GAB2: variants seen among roughly 807,000 people sequenced by gnomAD.
GAB2 encodes the protein GRB2-associated-binding protein 2.
Under a neutral mutation model 65.5 loss-of-function variants are expected in GAB2, and 26 were observed. The observed-to-expected ratio is 0.40, with a 90% confidence interval of 0.29 to 0.55. The LOEUF (loss-of-function observed/expected upper bound fraction) is 0.55. Ranked by LOEUF, GAB2 falls within the 20% of genes least tolerant of loss-of-function variation. The pLI is 0.53. For missense variants in GAB2, 884 were observed against 875.8 expected, an observed-to-expected ratio of 1.01 and a Z score of -0.12; for synonymous variants, 321 against 329.6, an observed-to-expected ratio of 0.97 and a Z score of 0.28.
Position 78,280,627 on chromosome 11 carries a change from C to T in GAB2, c.350G>A (p.Gly117Asp), listed in dbSNP as rs772467341. The change falls in exon 2 of 10, where the codon GGC (glycine) becomes GAC (aspartate). Residue 117 changes from glycine to aspartate, a missense_variant. Physicochemically the swap from Gly to Asp is moderately conservative, Grantham distance 94 (BLOSUM62 -1). Transcript: ENST00000361507. ...KWVQSICQICGFNQAEESTDS... is the reference protein window; with the variant it reads ...KWVQSICQICDFNQAEESTDS... ...TGTGCTCTCCTCAGCCTGATTGAAG[C>T]CACAGATCTGGCAGATGCTCTGGAC... 3.1e-6 allele frequency: 5 copies of T among 1,613,864 alleles called. No individual in the cohort carries two copies. The African/African-American group carries it at 6.7e-5, about 22-fold the overall frequency.
chr11:78,293,001 G>C (rs1296377808), intron 1 of GAB2, among the ~76,000 whole-genome samples: 2 of 152,218 alleles, frequency 1.3e-5, no homozygotes, highest in South Asian at 2.1e-4. Flanking sequence ...TTGAGGTGAA[G>C]CTACTGCAGA....
At chr11:78,350,358 C>G (rs1856257808) in intron 1 of GAB2, among the ~76,000 whole-genome samples, 1 of 152,188 alleles carries the variant, frequency 6.6e-6, no homozygotes, top group Admixed American at 6.5e-5. Flanking sequence ...GCAAGACATG[C>G]TCTCCCTCAG....
chr11:78,365,061 T>C (rs138843760), intron 1 of GAB2, among the ~76,000 whole-genome samples: 3 of 152,326 alleles, frequency 2.0e-5, no homozygotes, highest in African/African-American at 4.8e-5. Flanking sequence ...TGGTGACTTC[T>C]GAGATTTTAG....
intron 1 of GAB2, among the ~76,000 whole-genome samples, chr11:78,393,551 C>G (rs144591227): frequency 6.6e-6 from 1 of 152,192 alleles, no homozygotes; most frequent in Non-Finnish European, 1.5e-5. Flanking sequence ...ACTATCCTTT[C>G]TGAGAGCCAA....
intron 2 of GAB2, among the ~76,000 whole-genome samples, chr11:78,259,168 T>C (rs972253105): frequency 6.6e-6 from 1 of 152,202 alleles, no homozygotes; most frequent in African/African-American, 2.4e-5. Context: ...AGCAAAACTT[T>C]TAATATCTTT....
At chr11:78,367,943 A>G (rs1482903578) in intron 1 of GAB2, among the ~76,000 whole-genome samples, 1 of 148,812 alleles carries the variant, frequency 6.7e-6, no homozygotes, top group Non-Finnish European at 1.5e-5. Context: ...CAGCCTCCCG[A>G]GTAGCTGGGA....
chr11:78,416,779 TA>T (rs5792806), intron 1 of GAB2, among the ~76,000 whole-genome samples: 28,035 of 116,184 alleles, frequency 0.24, 3,083 homozygotes, highest in East Asian at 0.45. Context: ...GGAGAGGGGT[TA>T]AAAAAAAAAA....
rs115326617 is a variant in GAB2, at chr11:78,310,082, A to G, written c.76-29181T>C. ...AGGACAGGTATATTAACCTCAAACC[A>G]TGCATAGGATAAAATCTCGCATAAC... On this transcript the variant is annotated intron_variant, in intron 1 of 9. Transcript: ENST00000361507. Among the ~76,000 whole-genome samples the G allele has an allele frequency of 8.7e-3, 1,319 of 152,140 alleles. 19 individuals are homozygous for G. Among genetic ancestry groups the G allele is most frequent in the African/African-American group, 0.03 (1,253 of 41,474 alleles).
chr11:78,365,071 G>A (rs1176329587), intron 1 of GAB2, among the ~76,000 whole-genome samples: 1 of 152,098 alleles, frequency 6.6e-6, no homozygotes, highest in Non-Finnish European at 1.5e-5. Context: ...TGAGATTTTA[G>A]TGTACCTGTC....
chr11:78,396,667 AG>A (rs144057778), intron 1 of GAB2, among the ~76,000 whole-genome samples: 2,632 of 152,100 alleles, frequency 0.017, 88 homozygotes, highest in African/African-American at 0.062. Flanking sequence ...GAGTGCTCTC[AG>A]GTCACCGCAA....
At chr11:78,349,118 G>A (rs575049506) in intron 1 of GAB2, among the ~76,000 whole-genome samples, 14 of 152,230 alleles carry the variant, frequency 9.2e-5, no homozygotes, top group Admixed American at 7.9e-4. Context: ...TCATGAGTAC[G>A]GACAGACACC....
chr11:78,280,473 C>G (rs1590994622), intron 2 of GAB2, 128 bp downstream of exon 2: 2 of 806,288 alleles, frequency 2.5e-6, no homozygotes, highest in East Asian at 2.4e-5. Context: ...CCCCTTCACA[C>G]TCTTTACCCT....
chr11:78,271,245 A>T (rs1448192807), intron 2 of GAB2, among the ~76,000 whole-genome samples: 2 of 152,222 alleles, frequency 1.3e-5, no homozygotes, highest in African/African-American at 4.8e-5. Context: ...GCCTATAAAC[A>T]CAGCTCAGAG....
At chr11:78,276,337 C>A (rs1468606199) in intron 2 of GAB2, among the ~76,000 whole-genome samples, 1 of 152,026 alleles carries the variant, frequency 6.6e-6, no homozygotes, top group African/African-American at 2.4e-5. Flanking sequence ...TCTTGAACTC[C>A]TGGGCTCAAG....
intron 2 of GAB2, among the ~76,000 whole-genome samples, chr11:78,278,513 T>TG (rs1866240111): frequency 6.6e-6 from 1 of 151,882 alleles, no homozygotes; most frequent in Admixed American, 6.6e-5. Flanking sequence ...CCTGAGTAGC[T>TG]GGGAATACAG....
chr11:78,374,400 G>A (rs1406748269), intron 1 of GAB2, among the ~76,000 whole-genome samples: 3 of 152,096 alleles, frequency 2.0e-5, no homozygotes, highest in African/African-American at 7.2e-5. Flanking sequence ...GGACCTTATT[G>A]TCCATGTCAA....
intron 1 of GAB2, among the ~76,000 whole-genome samples, chr11:78,331,540 C>G (rs529391600): frequency 6.8e-4 from 104 of 152,194 alleles, no homozygotes; most frequent in African/African-American, 2.4e-3. Context: ...CCACTGCGCC[C>G]AGCCCCGAAT....
intron 1 of GAB2, among the ~76,000 whole-genome samples, chr11:78,367,997 T>C (rs1856520481): frequency 6.6e-6 from 1 of 152,020 alleles, no homozygotes; most frequent in Admixed American, 6.5e-5. Context: ...TTTGTATTTT[T>C]AGTAGAGACG....
chr11:78,414,948 T>C (rs958280170), intron 1 of GAB2, among the ~76,000 whole-genome samples: 26 of 152,088 alleles, frequency 1.7e-4, no homozygotes, highest in Admixed American at 3.9e-4. Flanking sequence ...CTCGGCTCAC[T>C]GCAACCTCAG....
Sources: allele counts gnomAD v4.1 joint callset (sites outside exome capture counted in the v4.1 genomes callset), GRCh38; gene constraint gnomAD v4.1.1; transcripts MANE v1.5; gene names NCBI Gene and HGNC (gene_info 2026-07-23, HGNC 2026-07-21).